RPS6KA2: variants seen among roughly 807,000 people sequenced by gnomAD.
The protein encoded by RPS6KA2 is ribosomal protein S6 kinase A2, also known as ribosomal protein S6 kinase alpha-2.
In RPS6KA2, 42 loss-of-function variants were observed where a neutral mutation model predicts 91.8. The ratio of observed to expected loss-of-function variants is 0.46; its 90% CI spans 0.36 to 0.59. The LOEUF (loss-of-function observed/expected upper bound fraction) is 0.59. Among genes scored for constraint, RPS6KA2 ranks in the 20% least tolerant of loss-of-function variants. RPS6KA2 has a pLI of 0.00. For missense variants in RPS6KA2, 798 were observed against 978.5 expected (o/e 0.82, Z 2.46); for synonymous variants, 414 against 393.6 (o/e 1.05, Z -0.61).
chr6:166,574,773 T>C (rs909301125), intron 1 of RPS6KA2, among the ~76,000 whole-genome samples: 2 of 152,170 alleles, frequency 1.3e-5, no homozygotes, highest in Non-Finnish European at 2.9e-5. Context: ...ACAGGAAACA[T>C]ACAAATGATT....
At chr6:166,844,876 A>G (rs566763249) in intron 2 of RPS6KA2, among the ~76,000 whole-genome samples, 1 of 152,274 alleles carries the variant, frequency 6.6e-6, no homozygotes, top group African/African-American at 2.4e-5. Flanking sequence ...AACAAAAAAA[A>G]CAAACCAAGG....
chr6:166,455,568 A>G (rs1490252494), intron 12 of RPS6KA2, among the ~76,000 whole-genome samples: 2 of 152,222 alleles, frequency 1.3e-5, no homozygotes, highest in Non-Finnish European at 2.9e-5. Context: ...TTTGGAAATA[A>G]ACTTCCAACG....
intron 2 of RPS6KA2, among the ~76,000 whole-genome samples, chr6:166,826,188 C>T (rs1433739952): frequency 6.6e-6 from 1 of 152,152 alleles, no homozygotes; most frequent in African/African-American, 2.4e-5. Context: ...TTTCTTTGTC[C>T]TCCCATTAAA....
chr6:166,709,393 C>T (rs1027806216), intron 2 of RPS6KA2, among the ~76,000 whole-genome samples: 4 of 152,088 alleles, frequency 2.6e-5, no homozygotes, highest in Non-Finnish European at 4.4e-5. Context: ...TTTGGGTGGC[C>T]GAGGCAGGAG....
chr6:166,475,187 A>G (rs944584262), intron 10 of RPS6KA2, among the ~76,000 whole-genome samples: 1 of 148,404 alleles, frequency 6.7e-6, no homozygotes, highest in Non-Finnish European at 1.5e-5. Flanking sequence ...AGACTGGGTC[A>G]CCCCATGCTG....
At chr6:166,731,199 G>A (rs1232337631) in intron 2 of RPS6KA2, among the ~76,000 whole-genome samples, 1 of 152,112 alleles carries the variant, frequency 6.6e-6, no homozygotes, top group African/African-American at 2.4e-5. Flanking sequence ...CCGAGATTGC[G>A]CCATTGCACT....
At chr6:166,604,778 C>A (rs747610323) in intron 1 of RPS6KA2, among the ~76,000 whole-genome samples, 3 of 152,186 alleles carry the variant, frequency 2.0e-5, no homozygotes, top group Non-Finnish European at 4.4e-5. Flanking sequence ...GAGAAGACTA[C>A]GAGCCTTCCT....
At chr6:166,598,772 AAAC>A (rs528443430) in intron 1 of RPS6KA2, among the ~76,000 whole-genome samples, 21 of 152,332 alleles carry the variant, frequency 1.4e-4, no homozygotes, top group Non-Finnish European at 2.4e-4. Context: ...GCAGTCCAGG[AAAC>A]AACAAGGCTT....
intron 3 of RPS6KA2, among the ~76,000 whole-genome samples, chr6:166,518,035 C>T (rs889972144): frequency 9.2e-5 from 14 of 152,192 alleles, no homozygotes; most frequent in Admixed American, 2.0e-4. Context: ...GTGTGTGTGT[C>T]TTTAATTCCT....
At chr6:166,578,390 G>C (rs1163885011) in intron 1 of RPS6KA2, among the ~76,000 whole-genome samples, 3 of 152,222 alleles carry the variant, frequency 2.0e-5, no homozygotes, top group African/African-American at 4.8e-5. Context: ...TGCTGGAGGT[G>C]AACAGGTGGG....
At chr6:166,413,761 C>T (rs1778399797) in intron 20 of RPS6KA2, 33 bp downstream of exon 20, 8 of 1,609,684 alleles carry the variant, frequency 5.0e-6, no homozygotes, top group Non-Finnish European at 6.8e-6. Flanking sequence ...TTCCCATTCC[C>T]ACCACTCTGT....
At chr6:166,810,764 G>A (rs1323378634) in intron 2 of RPS6KA2, among the ~76,000 whole-genome samples, 1 of 152,226 alleles carries the variant, frequency 6.6e-6, no homozygotes, top group East Asian at 1.9e-4. Flanking sequence ...AAGTACCATG[G>A]ATGAGAAGTT....
intron 2 of RPS6KA2, among the ~76,000 whole-genome samples, chr6:166,806,123 T>C (rs1197504489): frequency 1.3e-5 from 2 of 152,196 alleles, no homozygotes. Context: ...CTAAGGTACC[T>C]GTGGAACACC....
At chr6:166,441,521 A>G (rs1038046269) in intron 14 of RPS6KA2, among the ~76,000 whole-genome samples, 1 of 152,206 alleles carries the variant, frequency 6.6e-6, no homozygotes, top group Non-Finnish European at 1.5e-5. Flanking sequence ...ACCCCACGTG[A>G]TACTGGGAAG....
chr6:166,548,586 A>G (rs1783901020), intron 1 of RPS6KA2, among the ~76,000 whole-genome samples: 1 of 152,256 alleles, frequency 6.6e-6, no homozygotes, highest in Non-Finnish European at 1.5e-5. Context: ...AATAGAGGAA[A>G]GGCAGCCTTT....
Position 166,567,707 on chromosome 6 carries a change from T to C in RPS6KA2, c.100-28923A>G, listed in dbSNP as rs558209508. ...GTTTCGAACAGAGCTGGGATTGAGA[T>C]AAATCACAGCACATGCTCGGCCCTC... On this transcript the variant is annotated intron_variant, in intron 1 of 20. Coordinates refer to ENST00000265678, the MANE Select transcript of RPS6KA2 (RefSeq NM_021135.6). Among the ~76,000 whole-genome samples the C allele has an allele frequency of 8.5e-5, 13 of 152,284 alleles. No homozygotes were observed. In the South Asian group the frequency reaches 2.1e-3, roughly 24 times the overall value.
At chr6:166,750,233 C>T (rs1174253971) in intron 2 of RPS6KA2, among the ~76,000 whole-genome samples, 3 of 152,226 alleles carry the variant, frequency 2.0e-5, no homozygotes, top group Non-Finnish European at 2.9e-5. Flanking sequence ...GCTGCAGAGA[C>T]ATCGGGCGTG....
chr6:166,730,384 T>G (rs1446901921), intron 2 of RPS6KA2, among the ~76,000 whole-genome samples: 1 of 140,588 alleles, frequency 7.1e-6, no homozygotes, highest in Non-Finnish European at 1.6e-5. Context: ...TAAAAATATG[T>G]CATCAGTCAT....
rs576931132 is a variant in RPS6KA2 at position 166,622,409 on chromosome 6, T to A, written c.99+4512A>T. Among the ~76,000 whole-genome samples the A allele has an allele frequency of 3.3e-5, 5 of 152,288 alleles. No individual in the cohort carries two copies. The South Asian group carries it at 1.0e-3, about 32-fold the overall frequency. On this transcript the variant is annotated intron_variant, in intron 1 of 20. Transcript: ENST00000265678. Reference sequence around the variant, plus strand: ...CAATTCAGTATTCACTAATATGGACTATTTATTGTGGTTTTTTTTTGGCTG... The same window carrying A: ...CAATTCAGTATTCACTAATATGGACAATTTATTGTGGTTTTTTTTTGGCTG...
Sources: gnomAD v4.1 joint callset for allele counts (sites outside exome capture counted in the v4.1 genomes callset) on GRCh38, gnomAD v4.1.1 for gene constraint, MANE v1.5 for transcripts, NCBI Gene and HGNC (gene_info 2026-07-23, HGNC 2026-07-21) for gene names.